Variants in ZNF341 observed in about 807,000 individuals in gnomAD.
ZNF341 encodes zinc finger protein 341.
Under a neutral mutation model 87.7 loss-of-function variants are expected in ZNF341, and 52 were observed. That is an observed-to-expected ratio of 0.59 (90% CI 0.47 to 0.75). ZNF341 has a LOEUF of 0.75. ZNF341 is among the 30% of genes least tolerant of loss of function. ZNF341 has a pLI of 0.00. For synonymous variants in ZNF341, 459 were observed against 472.7 expected, an observed-to-expected ratio of 0.97 and a Z score of 0.38; for missense variants, 977 against 1,145.9, an observed-to-expected ratio of 0.85 and a Z score of 2.13.
Position 33,753,410 on chromosome 20 carries a change from A to G in ZNF341, c.728A>G (p.Tyr243Cys). Reference sequence around the variant, plus strand: ...ATCCAGGCACTGGGGATGCAGCCCTACCCACCCCTAGAGGTGAGCAGAGGG... The same window carrying G: ...ATCCAGGCACTGGGGATGCAGCCCTGCCCACCCCTAGAGGTGAGCAGAGGG... ...VEIQALGMQP[Y>C]PPLEVPNQCV... The change falls in exon 5 of 15, where the codon TAC becomes TGC. Residue 243 changes from tyrosine (Y) to cysteine (C), a missense_variant. Tyr to Cys is a radical substitution (Grantham distance 194). Coordinates refer to ENST00000375200, the MANE Select transcript of ZNF341 (RefSeq NM_001282933.2). 6.2e-7 allele frequency: 1 copy of G among 1,602,932 alleles called. No individual in the cohort carries two copies.
At chr20:33,764,020 C>CTTTTT (rs760255384) in intron 8 of ZNF341, among the ~76,000 whole-genome samples, 1 of 131,184 alleles carries the variant, frequency 7.6e-6, no homozygotes, top group Non-Finnish European at 1.6e-5. Flanking sequence ...CCATCTCTCT[C>CTTTTT]TTTTTTTTTT....
At chr20:33,743,697 A>G (rs2018858350) in intron 2 of ZNF341, among the ~76,000 whole-genome samples, 1 of 152,250 alleles carries the variant, frequency 6.6e-6, no homozygotes, top group South Asian at 2.1e-4. Context: ...GAATTGAATA[A>G]CAATTAGACA....
At chr20:33,771,056 A>G (rs1038696026) in intron 10 of ZNF341, among the ~76,000 whole-genome samples, 4 of 152,084 alleles carry the variant, frequency 2.6e-5, no homozygotes, top group African/African-American at 9.7e-5. Context: ...CGGGAGGCAG[A>G]GCTTGCAGTG....
intron 12 of ZNF341, among the ~76,000 whole-genome samples, chr20:33,784,155 C>T (rs2019801892): frequency 1.6e-5 from 1 of 63,252 alleles, no homozygotes; most frequent in Admixed American, 1.4e-4. Flanking sequence ...CCTTTCCCCT[C>T]TCCCTCTCCC....
chr20:33,775,759 G>T (rs1412432714), intron 10 of ZNF341, among the ~76,000 whole-genome samples: 2 of 152,134 alleles, frequency 1.3e-5, no homozygotes, highest in East Asian at 3.9e-4. Context: ...GAGTACAGTG[G>T]CACAATCATG....
chr20:33,745,257 A>T lies in ZNF341; in HGVS notation c.297A>T (p.Ala99=). The T allele has an allele frequency of 6.2e-7, 1 of 1,614,146 alleles. No individual in the cohort carries two copies. The highest frequency in any genetic ancestry group is 8.5e-7 in the Non-Finnish European group (1 of 1,180,006). The change falls in exon 3 of 15, where the codon GCA becomes GCT. Residue 99 remains alanine, a synonymous_variant. Coordinates refer to ENST00000375200, the MANE Select transcript of ZNF341 (RefSeq NM_001282933.2). ...ATNSIYPPSA[A]PTAVQQAPTP... ...ACAGCATCTACCCACCTTCGGCAGC[A>T]CCCACAGCGGTCCAGCAGGCCCCAA...
chr20:33,740,805 GCC>G, intron 1 of ZNF341, 95 bp from the exon 2 acceptor site: 3 of 1,089,632 alleles, frequency 2.8e-6, no homozygotes, highest in Non-Finnish European at 4.1e-6. Context: ...ACCGTACCCA[GCC>G]GCCACAGGGG....
intron 9 of ZNF341, among the ~76,000 whole-genome samples, chr20:33,768,450 G>T (rs574411354): frequency 1.3e-5 from 2 of 148,982 alleles, no homozygotes; most frequent in East Asian, 2.0e-4. Context: ...TTTAGACAGG[G>T]TCTCACTCTG....
At chr20:33,774,795 T>C (rs954888431) in intron 10 of ZNF341, among the ~76,000 whole-genome samples, 2 of 152,064 alleles carry the variant, frequency 1.3e-5, no homozygotes, top group Non-Finnish European at 1.5e-5. Context: ...TGATGAAACC[T>C]TGCCTGTACA....
At chr20:33,754,437 C>T (rs1019724631) in intron 5 of ZNF341, among the ~76,000 whole-genome samples, 2 of 152,184 alleles carry the variant, frequency 1.3e-5, no homozygotes, top group African/African-American at 2.4e-5. Context: ...CAGCCACAGA[C>T]ATCCCCTGTC....
In ZNF341 at chr20:33,791,800, A is replaced by G. The variant is rs1251482571; in HGVS notation, c.*283A>G. The G allele has an allele frequency of 2.5e-6, 1 of 401,126 alleles. No homozygotes were observed. Among genetic ancestry groups the G allele is most frequent in the Non-Finnish European group, 4.5e-6 (1 of 224,310 alleles). The allele number at this position is 401,126 out of a possible 1,614,324, so 24.8% of individuals were successfully genotyped here. ...GATGGCTGAAGCCTGAGCAGCCCAGAGTCCCGCTGGTCTAGGCTGGTGGTC... is the reference window on the plus strand; with the variant it reads ...GATGGCTGAAGCCTGAGCAGCCCAGGGTCCCGCTGGTCTAGGCTGGTGGTC... On this transcript the variant is annotated 3_prime_UTR_variant, in exon 15 of 15. Transcript: ENST00000375200.
intron 10 of ZNF341, among the ~76,000 whole-genome samples, chr20:33,778,686 G>T (rs1331497560): frequency 1.3e-5 from 2 of 152,194 alleles, no homozygotes; most frequent in African/African-American, 4.8e-5. Flanking sequence ...TGGGCCCTTC[G>T]CAGGTGCAGC....
intron 1 of ZNF341, among the ~76,000 whole-genome samples, chr20:33,739,131 A>T (rs994497633): frequency 5.9e-5 from 9 of 152,016 alleles, no homozygotes; most frequent in African/African-American, 2.2e-4. Flanking sequence ...CACCATGCCC[A>T]GCTAATTTTT....
At chr20:33,769,388 A>C (rs1379260159) in intron 9 of ZNF341, among the ~76,000 whole-genome samples, 2 of 2,284 alleles carry the variant, frequency 8.8e-4, no homozygotes, top group African/African-American at 1.6e-3. Context: ...GGGGGGGGGC[A>C]GTGGGAGGGG....
intron 9 of ZNF341, among the ~76,000 whole-genome samples, chr20:33,768,719 G>A (rs1275584578): frequency 2.0e-5 from 3 of 152,138 alleles, no homozygotes; most frequent in Middle Eastern, 3.2e-3. Context: ...CACCACGCCC[G>A]GCCTGGATCA....
At chr20:33,776,543 G>A (rs190044070) in intron 10 of ZNF341, among the ~76,000 whole-genome samples, 3 of 151,896 alleles carry the variant, frequency 2.0e-5, no homozygotes, top group Non-Finnish European at 4.4e-5. Context: ...TGTGCCACCA[G>A]GCCTGGCTAA....
At chr20:33,758,933 C>G (rs2019237169) in intron 7 of ZNF341, 127 bp downstream of exon 7, 1 of 774,604 alleles carries the variant, frequency 1.3e-6, no homozygotes, top group African/African-American at 1.7e-5. Flanking sequence ...CATGTTCAGG[C>G]TGTAGTCCAG....
chr20:33,748,891 G>GTCTC lies in ZNF341; in HGVS notation c.340-31_340-28dup, dbSNP rs753864900. On this transcript the variant is annotated intron_variant, in intron 3 of 14. Transcript: ENST00000375200. ...GCACACACACACTCTGTCTCTCTCC[G>GTCTC]TCTCACTCATTCTCTCTCTCCCACT... is the stretch of plus-strand genomic sequence containing the variant. 5.2e-5 allele frequency: 82 copies of GTCTC among 1,588,954 alleles called. No individual in the cohort carries two copies. The South Asian group carries it at 8.9e-4, about 17-fold the overall frequency.
chr20:33,739,125 A>T (rs1346939792), intron 1 of ZNF341, among the ~76,000 whole-genome samples: 1 of 152,146 alleles, frequency 6.6e-6, no homozygotes, highest in Non-Finnish European at 1.5e-5. Context: ...ACCCACCACC[A>T]TGCCCAGCTA....
Sources: gnomAD v4.1 joint callset for allele counts (sites outside exome capture counted in the v4.1 genomes callset) on GRCh38, gnomAD v4.1.1 for gene constraint, MANE v1.5 for transcripts, NCBI Gene and HGNC (gene_info 2026-07-23, HGNC 2026-07-21) for gene names.